NFIL3: variants seen among roughly 807,000 people sequenced by gnomAD.
NFIL3 encodes the protein nuclear factor, interleukin 3 regulated.
In NFIL3, 5 loss-of-function variants were observed where a neutral mutation model predicts 10.0. The ratio of observed to expected loss-of-function variants is 0.50; its 90% CI spans 0.26 to 1.06. NFIL3 has a LOEUF of 1.06. Among genes scored for constraint, NFIL3 ranks in the 50% least tolerant of loss-of-function variants. The pLI is 0.13. For synonymous variants in NFIL3, 202 were observed against 206.5 expected (o/e 0.98, Z 0.19); for missense variants, 436 against 547.6 (o/e 0.80, Z 2.03).
the NFIL3 span, among the ~76,000 whole-genome samples, chr9:91,437,704 C>G: frequency 6.6e-6 from 1 of 152,170 alleles, no homozygotes; most frequent in Non-Finnish European, 1.5e-5. Context: ...GTGTCTTATT[C>G]CCTATCTCTG....
At chr9:91,460,139 A>G in the NFIL3 span, among the ~76,000 whole-genome samples, 3 of 152,004 alleles carry the variant, frequency 2.0e-5, no homozygotes, top group African/African-American at 7.3e-5. Flanking sequence ...GAGTAGAGTC[A>G]GAGGAGAAGG....
At chr9:91,473,119 T>G in the NFIL3 span, among the ~76,000 whole-genome samples, 2 of 152,294 alleles carry the variant, frequency 1.3e-5, no homozygotes, top group African/African-American at 4.8e-5. Context: ...GAGGTGTCAG[T>G]CAGCCCCTAC....
chr9:91,431,509 G>T, the NFIL3 span, among the ~76,000 whole-genome samples: 5 of 152,174 alleles, frequency 3.3e-5, no homozygotes, highest in African/African-American at 4.8e-5. Context: ...GAGGGGAAAG[G>T]TGTCACGGGA....
chr9:91,463,347 T>C, the NFIL3 span, among the ~76,000 whole-genome samples: 4 of 151,746 alleles, frequency 2.6e-5, no homozygotes, highest in African/African-American at 9.7e-5. Context: ...CCTTCTAACT[T>C]CTACTTTTGC....
intron 1 of NFIL3, among the ~76,000 whole-genome samples, chr9:91,414,994 T>A (rs1262957472): frequency 6.6e-6 from 1 of 152,262 alleles, no homozygotes; most frequent in South Asian, 2.1e-4. Context: ...TTTAATGTTA[T>A]GTGAATTGTA....
the NFIL3 span, among the ~76,000 whole-genome samples, chr9:91,461,473 G>T: frequency 6.7e-6 from 1 of 150,058 alleles, no homozygotes; most frequent in South Asian, 2.1e-4. Flanking sequence ...AAACTTCGTG[G>T]CTTAAAACAA....
intron 1 of NFIL3, among the ~76,000 whole-genome samples, chr9:91,420,352 T>TACACACACACACAC (rs144270881): frequency 6.9e-6 from 1 of 144,394 alleles, no homozygotes; most frequent in Admixed American, 6.9e-5. Flanking sequence ...TGAAGGTAAA[T>TACACACACACACAC]ACACACACAC....
chr9:91,466,499 T>G, the NFIL3 span, among the ~76,000 whole-genome samples: 1 of 152,346 alleles, frequency 6.6e-6, no homozygotes, highest in East Asian at 1.9e-4. Flanking sequence ...TTGTATAATG[T>G]CTTTGTTTTC....
chr9:91,414,539 G>A (rs376296642), intron 1 of NFIL3, among the ~76,000 whole-genome samples: 24 of 152,290 alleles, frequency 1.6e-4, no homozygotes, highest in East Asian at 9.6e-4. Context: ...GATTACAGGC[G>A]TGAGCCACCT....
chr9:91,470,467 A>AG, the NFIL3 span, among the ~76,000 whole-genome samples: 3 of 149,562 alleles, frequency 2.0e-5, no homozygotes, highest in African/African-American at 5.0e-5. Context: ...TTTAAAAAAA[A>AG]CCAGCTCCTG....
the NFIL3 span, among the ~76,000 whole-genome samples, chr9:91,439,932 T>A: frequency 6.6e-6 from 1 of 152,164 alleles, no homozygotes; most frequent in Non-Finnish European, 1.5e-5. Context: ...TAATTGAGAA[T>A]TTTTTGCATT....
In NFIL3 at chr9:91,409,302, C is replaced by T; in HGVS notation, c.*44G>A. 6.6e-7 allele frequency: 1 copy of T among 1,513,854 alleles called. No individual in the cohort carries two copies. Among genetic ancestry groups the T allele is most frequent in the Non-Finnish European group, 8.8e-7 (1 of 1,130,706 alleles). The allele number at this position is 1,513,854 out of a possible 1,614,324, so 93.8% of individuals were successfully genotyped here. ...TAATACAAAATGGACTGCTCTATTG[C>T]AAATGACATCTTTCTAAATGCCCAG... is the stretch of plus-strand genomic sequence containing the variant. On this transcript the variant is annotated 3_prime_UTR_variant, in exon 2 of 2. Coordinates refer to ENST00000297689, the MANE Select transcript of NFIL3 (RefSeq NM_005384.3).
the NFIL3 span, among the ~76,000 whole-genome samples, chr9:91,450,895 A>G: frequency 6.6e-6 from 1 of 152,114 alleles, no homozygotes; most frequent in Non-Finnish European, 1.5e-5. Context: ...CCTGGCTACC[A>G]AATTTTTTTC....
chr9:91,459,365 T>A, the NFIL3 span, among the ~76,000 whole-genome samples: 1 of 152,232 alleles, frequency 6.6e-6, no homozygotes, highest in Admixed American at 6.5e-5. Context: ...CTTCCTTATC[T>A]GTGCTTGTAG....
rs750032628 is a variant in NFIL3, at chr9:91,409,822, G to A, written c.913C>T (p.Leu305Phe). 2 of 1,614,114 alleles carry A rather than the reference G, an allele frequency of 1.2e-6. No individual in the cohort carries two copies. The highest frequency in any genetic ancestry group is 1.7e-5 in the Admixed American group (1 of 60,018). Residue 305 changes from leucine (L) to phenylalanine (F), a missense_variant, in exon 2 of 2, where the codon CTC (leucine) becomes TTC (phenylalanine). Leu to Phe is a conservative substitution (Grantham distance 22). This residue lies in a region of NFIL3 where 338 missense variants were observed against 399.9 expected (regional missense o/e 0.85). Transcript: ENST00000297689. The part of the protein sequence containing the change: ...PKGPIHSPVE[L>F]KHVHATVVKV... Reference sequence around the variant, plus strand: ...ACCACAGTTGCATGCACATGCTTGAGTTCAACTGGAGAATGGATGGGGCCC... The same window carrying A: ...ACCACAGTTGCATGCACATGCTTGAATTCAACTGGAGAATGGATGGGGCCC...
the NFIL3 span, among the ~76,000 whole-genome samples, chr9:91,473,074 T>C: frequency 6.6e-6 from 1 of 152,164 alleles, no homozygotes; most frequent in Non-Finnish European, 1.5e-5. Context: ...ATCCTTCCCA[T>C]GGAAGCTGCA....
upstream of NFIL3, chr9:91,423,964 C>A (rs1192933078): frequency 6.9e-6 from 1 of 145,602 alleles, no homozygotes; most frequent in African/African-American, 2.5e-5. Context: ...CAGGGGCGGG[C>A]CGGGGCGGGC....
the NFIL3 span, among the ~76,000 whole-genome samples, chr9:91,481,284 C>T: frequency 1.7e-4 from 26 of 152,136 alleles, no homozygotes; most frequent in East Asian, 9.6e-4. Context: ...GGAAAACACA[C>T]GTAATTTCAC....
At chr9:91,448,170 T>C in the NFIL3 span, among the ~76,000 whole-genome samples, 8 of 152,334 alleles carry the variant, frequency 5.3e-5, no homozygotes, top group South Asian at 1.7e-3. Context: ...TCTATCCTCA[T>C]GCTAGCACCA....
Sources: allele counts gnomAD v4.1 joint callset (sites outside exome capture counted in the v4.1 genomes callset), GRCh38; gene constraint gnomAD v4.1.1; regional missense constraint gnomAD v4.1.1; transcripts MANE v1.5; gene names NCBI Gene and HGNC (gene_info 2026-07-23, HGNC 2026-07-21).